KCNIP3: variants seen among roughly 807,000 people sequenced by gnomAD.
KCNIP3 encodes the protein potassium voltage-gated channel interacting protein 3.
A neutral mutation model predicts 35.0 loss-of-function variants in KCNIP3; 28 were observed. That is an observed-to-expected ratio of 0.80 (90% CI 0.59 to 1.10). The LOEUF (loss-of-function observed/expected upper bound fraction) is 1.10. Among genes scored for constraint, KCNIP3 ranks in the 50% least tolerant of loss-of-function variants. KCNIP3 has a pLI of 0.00. For missense variants in KCNIP3, 295 were observed against 338.4 expected (o/e 0.87, Z 1.01); for synonymous variants, 134 against 133.8 (o/e 1.00, Z -0.01).
intron 1 of KCNIP3, among the ~76,000 whole-genome samples, chr2:95,306,940 A>G (rs914946573): frequency 1.3e-5 from 2 of 152,178 alleles, no homozygotes; most frequent in African/African-American, 4.8e-5. Flanking sequence ...TCAGATATTC[A>G]TGAGGATGAC....
At chr2:95,374,766 A>C in intron 3 of KCNIP3, 82 bp from the exon 4 acceptor site, 1 of 1,498,564 alleles carries the variant, frequency 6.7e-7, no homozygotes, top group Non-Finnish European at 9.2e-7. Context: ...AAGGGGGTGG[A>C]GAGAGGCCAG....
intron 2 of KCNIP3, among the ~76,000 whole-genome samples, chr2:95,320,994 C>T (rs1032502298): frequency 2.9e-5 from 4 of 140,194 alleles, no homozygotes; most frequent in African/African-American, 1.1e-4. Flanking sequence ...CCAGCCTTTC[C>T]TAGGCCCTCT....
At chr2:95,297,507 G>C in intron 1 of KCNIP3, 54 bp downstream of exon 1, 1 of 1,180,282 alleles carries the variant, frequency 8.5e-7, no homozygotes, top group Middle Eastern at 2.2e-4. Context: ...GGGGAGGAAT[G>C]GAGGCTTCTG....
At chr2:95,372,626 C>T (rs1680067622) in intron 2 of KCNIP3, among the ~76,000 whole-genome samples, 1 of 152,180 alleles carries the variant, frequency 6.6e-6, no homozygotes, top group South Asian at 2.1e-4. Flanking sequence ...TTTGCCTTTG[C>T]TGGGAGCAGG....
At chr2:95,312,030 G>A (rs1250436188) in intron 2 of KCNIP3, 1 of 152,164 alleles carries the variant, frequency 6.6e-6, no homozygotes, top group Non-Finnish European at 1.5e-5. Flanking sequence ...AGAGCACGGT[G>A]GCCATCGCAT....
chr2:95,346,514 A>C (rs1679369359), intron 2 of KCNIP3, among the ~76,000 whole-genome samples: 1 of 148,358 alleles, frequency 6.7e-6, no homozygotes, highest in Admixed American at 6.7e-5. Flanking sequence ...CGCCTCCCGG[A>C]GTGGCCGCCG....
intron 1 of KCNIP3, among the ~76,000 whole-genome samples, chr2:95,306,643 C>T (rs1444977142): frequency 2.0e-5 from 3 of 151,926 alleles, no homozygotes; most frequent in African/African-American, 4.8e-5. Flanking sequence ...GGTGCCAAGG[C>T]GGTGGTGTGG....
chr2:95,333,431 G>A (rs36118309), intron 2 of KCNIP3, among the ~76,000 whole-genome samples: 20 of 152,196 alleles, frequency 1.3e-4, no homozygotes, highest in Non-Finnish European at 2.2e-4. Flanking sequence ...CTACTGCTGC[G>A]GGAAACAGAC....
intron 2 of KCNIP3, among the ~76,000 whole-genome samples, chr2:95,314,861 C>T (rs531945532): frequency 1.3e-5 from 2 of 152,338 alleles, no homozygotes; most frequent in Admixed American, 1.3e-4. Flanking sequence ...CGTGTTTTCC[C>T]GGGCTCCGGG....
Position 95,374,404 on chromosome 2 carries a change from A to G in KCNIP3, c.290A>G (p.Tyr97Cys). The G allele has an allele frequency of 6.2e-7, 1 of 1,614,134 alleles. No individual in the cohort carries two copies. The highest frequency in any genetic ancestry group is 1.6e-4 in the Middle Eastern group (1 of 6,062). Residue 97 changes from tyrosine (Y) to cysteine (C), a missense_variant, in exon 3 of 9, where the codon TAC becomes TGC. Coordinates refer to ENST00000295225, the MANE Select transcript of KCNIP3 (RefSeq NM_013434.5). ...ACCAAGAAGGAGCTGCAGTCTCTCTACAGGGGCTTTAAGAATGTGAGTGTT... is the reference window on the plus strand; with the variant it reads ...ACCAAGAAGGAGCTGCAGTCTCTCTGCAGGGGCTTTAAGAATGTGAGTGTT... The part of the protein sequence containing the change: ...KFTKKELQSL[Y>C]RGFKNECPTG...
intron 2 of KCNIP3, among the ~76,000 whole-genome samples, chr2:95,365,799 T>C (rs961112199): frequency 1.3e-5 from 2 of 152,154 alleles, no homozygotes; most frequent in African/African-American, 4.8e-5. Context: ...GTTTTTCCTC[T>C]TTTACACCCC....
At chr2:95,358,053 A>G (rs1474215826) in intron 2 of KCNIP3, among the ~76,000 whole-genome samples, 1 of 152,120 alleles carries the variant, frequency 6.6e-6, no homozygotes, top group Non-Finnish European at 1.5e-5. Context: ...GAGCCGGGGA[A>G]CATGGCACCT....
At chr2:95,323,472 C>G (rs933126905) in intron 2 of KCNIP3, among the ~76,000 whole-genome samples, 1 of 152,172 alleles carries the variant, frequency 6.6e-6, no homozygotes, top group African/African-American at 2.4e-5. Flanking sequence ...CAGGCTGGAG[C>G]CCGCAGGCCT....
chr2:95,308,646 G>T (rs1035267312), intron 1 of KCNIP3, among the ~76,000 whole-genome samples: 3 of 152,200 alleles, frequency 2.0e-5, no homozygotes, highest in African/African-American at 7.2e-5. Flanking sequence ...CCCTGTCGCT[G>T]GGCTCTGTGT....
chr2:95,324,046 C>T (rs1337546300), intron 2 of KCNIP3, among the ~76,000 whole-genome samples: 1 of 152,238 alleles, frequency 6.6e-6, no homozygotes, highest in Non-Finnish European at 1.5e-5. Flanking sequence ...TTGGAATCCC[C>T]ACCCACGCAG....
At chr2:95,311,927 T>C (rs376182910) in intron 2 of KCNIP3, 1 of 152,204 alleles carries the variant, frequency 6.6e-6, no homozygotes, top group Admixed American at 6.5e-5. Context: ...TAAAAGCACA[T>C]GCACATAGCT....
intron 8 of KCNIP3, among the ~76,000 whole-genome samples, chr2:95,383,530 C>T (rs1482129931): frequency 6.6e-6 from 1 of 152,080 alleles, no homozygotes; most frequent in African/African-American, 2.4e-5. Context: ...ACTACCCCCA[C>T]ACCCTCCCTC....
At position 95,310,522 on chromosome 2, in the gene KCNIP3, TAG is replaced by T; in HGVS notation, c.181+3_181+4del. On this transcript the variant is annotated splice_donor_region_variant and intron_variant, in intron 2 of 8. Coordinates refer to ENST00000295225, the MANE Select transcript of KCNIP3 (RefSeq NM_013434.5). ...CCAGCACAGCCCCACAGGGCTCAGG[TAG>T]GGGCCAGGGTGGGCTGTGGTCAAGG... The T allele has an allele frequency of 6.3e-7, 1 of 1,578,272 alleles. No homozygotes were observed. The highest frequency in any genetic ancestry group is 8.6e-7 in the Non-Finnish European group (1 of 1,164,308).
chr2:95,325,766 C>T (rs1269835793), intron 2 of KCNIP3, among the ~76,000 whole-genome samples: 6 of 151,628 alleles, frequency 4.0e-5, no homozygotes, highest in Admixed American at 6.6e-5. Flanking sequence ...CACACATACA[C>T]ACTCATATAC....
Sources: gnomAD v4.1 joint callset for allele counts (sites outside exome capture counted in the v4.1 genomes callset) on GRCh38, gnomAD v4.1.1 for gene constraint, MANE v1.5 for transcripts, NCBI Gene and HGNC (gene_info 2026-07-23, HGNC 2026-07-21) for gene names.